FIGN: variants seen among roughly 807,000 people sequenced by gnomAD.
FIGN encodes fidgetin, microtubule severing factor, also known as fidgetin.
Under a neutral mutation model 51.3 loss-of-function variants are expected in FIGN, and 11 were observed. The ratio of observed to expected loss-of-function variants is 0.21; its 90% CI spans 0.13 to 0.35. The LOEUF (loss-of-function observed/expected upper bound fraction) is 0.35. FIGN is among the 10% of genes least tolerant of loss of function. The pLI, the probability that FIGN is intolerant of heterozygous loss-of-function variation, is 1.00. For synonymous variants in FIGN, 407 were observed against 363.2 expected (o/e 1.12, Z -1.37); for missense variants, 857 against 943.6 (o/e 0.91, Z 1.20).
chr2:163,670,916 T>C (rs1683865276), intron 2 of FIGN, among the ~76,000 whole-genome samples: 1 of 152,238 alleles, frequency 6.6e-6, no homozygotes, highest in Admixed American at 6.5e-5. Context: ...TCTGTATTTC[T>C]GTTTATTTTT....
At chr2:163,617,389 A>T in intron 2 of FIGN, 1 of 227,034 alleles carries the variant, frequency 4.4e-6, no homozygotes, top group Non-Finnish European at 7.3e-6. Flanking sequence ...AGGAGGATCC[A>T]TTTTCTATAA....
intron 1 of FIGN, 65 bp downstream of exon 1, chr2:163,735,773 A>G (rs1174392413): frequency 6.6e-6 from 1 of 152,644 alleles, no homozygotes; most frequent in Non-Finnish European, 1.5e-5. Flanking sequence ...ATGTATTTAT[A>G]TTCTTTAAAA....
At chr2:163,700,020 G>A (rs988361152) in intron 2 of FIGN, among the ~76,000 whole-genome samples, 1 of 151,898 alleles carries the variant, frequency 6.6e-6, no homozygotes, top group Non-Finnish European at 1.5e-5. Context: ...TGGAAGAAGA[G>A]ATACAGAAAA....
intron 2 of FIGN, among the ~76,000 whole-genome samples, chr2:163,674,855 T>C (rs1015184666): frequency 9.2e-5 from 14 of 152,158 alleles, no homozygotes; most frequent in Non-Finnish European, 1.8e-4. Context: ...TGACTTTTTT[T>C]CCCACAGAAA....
At chr2:163,668,548 T>C (rs1007685895) in intron 2 of FIGN, among the ~76,000 whole-genome samples, 2 of 152,224 alleles carry the variant, frequency 1.3e-5, no homozygotes, top group African/African-American at 4.8e-5. Flanking sequence ...GAATTCCATC[T>C]CTTCATAAGA....
At chr2:163,644,281 G>C (rs1683350309) in intron 2 of FIGN, among the ~76,000 whole-genome samples, 1 of 152,040 alleles carries the variant, frequency 6.6e-6, no homozygotes, top group East Asian at 1.9e-4. Flanking sequence ...AATTTGAATA[G>C]ACATTTCTCC....
chr2:163,622,976 A>G (rs919482781), intron 2 of FIGN, among the ~76,000 whole-genome samples: 2 of 152,224 alleles, frequency 1.3e-5, no homozygotes, highest in African/African-American at 4.8e-5. Flanking sequence ...TACCTCTTTA[A>G]ATCATGTGCC....
rs934726273 is a variant in FIGN at position 163,606,771 on chromosome 2, C to T, written c.*2781G>A. On this transcript the variant is annotated 3_prime_UTR_variant, in exon 3 of 3. Transcript: ENST00000333129. Reference sequence around the variant, plus strand: ...CTCCAACAGATCTTCATTTCTTCAACATGCCCAATTTCCTAAGAGATCAAA... The same window carrying T: ...CTCCAACAGATCTTCATTTCTTCAATATGCCCAATTTCCTAAGAGATCAAA... The T allele has an allele frequency of 2.0e-5, 3 of 152,328 alleles. No homozygotes were observed. The highest frequency in any genetic ancestry group is 3.9e-4 in the East Asian group (2 of 5,178). 9.4% of individuals were successfully genotyped at this position (152,328 alleles called of 1,614,324 possible). A position where few individuals can be genotyped will look rare whatever the true frequency, so the allele number is the denominator to read the frequency against.
rs2105298267 is a variant in FIGN, at chr2:163,610,524, C to G, written c.1308G>C (p.Gln436His). 1 of 1,614,184 alleles carries G rather than the reference C, an allele frequency of 6.2e-7. No homozygotes were observed. The highest frequency in any genetic ancestry group is 8.5e-7 in the Non-Finnish European group (1 of 1,180,038). ...VMSEHGDEHR[Q>H]LLSHPMQGPG... ...GGCCTTGCATTGGGTGAGAGAGGAG[C>G]TGCCTGTGCTCGTCCCCATGCTCAC... The change falls in exon 3 of 3, where the codon CAG becomes CAC. Residue 436 changes from glutamine to histidine, a missense_variant. Gln to His is a conservative substitution (Grantham distance 24). Around this residue, in one of 3 missense-constraint regions of FIGN, gnomAD observed 799 missense variants for 849.5 expected, o/e 0.94. Coordinates refer to ENST00000333129, the MANE Select transcript of FIGN (RefSeq NM_018086.4).
At chr2:163,659,209 CAAG>C (rs1241574575) in intron 2 of FIGN, among the ~76,000 whole-genome samples, 2 of 151,942 alleles carry the variant, frequency 1.3e-5, no homozygotes, top group Non-Finnish European at 2.9e-5. Flanking sequence ...AATTGAAAAA[CAAG>C]ATGATGAAAA....
At chr2:163,728,410 AC>A (rs1270919272) in intron 2 of FIGN, among the ~76,000 whole-genome samples, 1 of 151,328 alleles carries the variant, frequency 6.6e-6, no homozygotes, top group Non-Finnish European at 1.5e-5. Context: ...ACACACACAC[AC>A]ACACACACAC....
intron 2 of FIGN, among the ~76,000 whole-genome samples, chr2:163,681,384 C>A (rs528356493): frequency 2.6e-5 from 4 of 152,072 alleles, no homozygotes; most frequent in Admixed American, 2.6e-4. Flanking sequence ...CTACTTTTGA[C>A]AATATTGTAT....
At chr2:163,699,456 T>G (rs184624563) in intron 2 of FIGN, among the ~76,000 whole-genome samples, 128 of 152,268 alleles carry the variant, frequency 8.4e-4, no homozygotes, top group African/African-American at 3.0e-3. Flanking sequence ...TGTCAAGCCA[T>G]ATAAAATATT....
At chr2:163,630,314 A>T (rs910722630) in intron 2 of FIGN, among the ~76,000 whole-genome samples, 7 of 152,056 alleles carry the variant, frequency 4.6e-5, no homozygotes, top group South Asian at 2.1e-4. Flanking sequence ...GCTAAAGGGC[A>T]GGTAGAATCC....
intron 2 of FIGN, among the ~76,000 whole-genome samples, chr2:163,691,755 C>G (rs1684243193): frequency 6.6e-6 from 1 of 151,720 alleles, no homozygotes; most frequent in Non-Finnish European, 1.5e-5. Context: ...AAAATTAACC[C>G]TTCTGAGCAT....
At chr2:163,666,269 G>C (rs139633501) in intron 2 of FIGN, among the ~76,000 whole-genome samples, 1 of 152,306 alleles carries the variant, frequency 6.6e-6, no homozygotes, top group Non-Finnish European at 1.5e-5. Flanking sequence ...TAAAGGACCA[G>C]AGACAGAGGG....
At chr2:163,662,455 A>G (rs1471282329) in intron 2 of FIGN, among the ~76,000 whole-genome samples, 3 of 152,254 alleles carry the variant, frequency 2.0e-5, no homozygotes, top group Middle Eastern at 3.2e-3. Context: ...TCTTTTGAGG[A>G]GAAATTCAAG....
intron 2 of FIGN, among the ~76,000 whole-genome samples, chr2:163,686,003 A>G (rs1255202269): frequency 1.3e-5 from 2 of 152,264 alleles, no homozygotes; most frequent in Admixed American, 6.5e-5. Flanking sequence ...TATTTGGGAC[A>G]GTCATCAAAT....
chr2:163,640,290 T>C (rs1683288186), intron 2 of FIGN, among the ~76,000 whole-genome samples: 1 of 152,196 alleles, frequency 6.6e-6, no homozygotes, highest in South Asian at 2.1e-4. Flanking sequence ...TTCATGTTTA[T>C]GTAACAAAAA....
Sources: allele counts gnomAD v4.1 joint callset (sites outside exome capture counted in the v4.1 genomes callset), GRCh38; gene constraint gnomAD v4.1.1; regional missense constraint gnomAD v4.1.1; transcripts MANE v1.5; gene names NCBI Gene and HGNC (gene_info 2026-07-23, HGNC 2026-07-21).